CHST6: variants seen among roughly 807,000 people sequenced by gnomAD.
CHST6 encodes carbohydrate sulfotransferase 6.
For missense variants in CHST6, 698 were observed against 586.2 expected, an observed-to-expected ratio of 1.19 and a Z score of -1.97; for synonymous variants, 309 against 276.4, an observed-to-expected ratio of 1.12 and a Z score of -1.17.
At chr16:75,491,183 AAAAAAAAATAT>A (rs2080250223) in intron 1 of CHST6, among the ~76,000 whole-genome samples, 1 of 86,194 alleles carries the variant, frequency 1.2e-5, no homozygotes, top group African/African-American at 4.5e-5. Context: ...AAAAAAAAAA[AAAAAAAAATAT>A]ATATATATAT....
At chr16:75,484,588 G>A (rs1053423320) in intron 1 of CHST6, among the ~76,000 whole-genome samples, 3 of 151,972 alleles carry the variant, frequency 2.0e-5, no homozygotes, top group Non-Finnish European at 2.9e-5. Flanking sequence ...GGTGGCTCAC[G>A]CCTGTAATCC....
chr16:75,488,424 G>A (rs12596796), intron 1 of CHST6, among the ~76,000 whole-genome samples: 12,458 of 149,916 alleles, frequency 0.083, 2,158 homozygotes, highest in East Asian at 0.69. Context: ...CAGAGATCAT[G>A]AGCCATTGCA....
At chr16:75,488,266 C>T (rs554244090) in intron 1 of CHST6, among the ~76,000 whole-genome samples, 1 of 152,014 alleles carries the variant, frequency 6.6e-6, no homozygotes, top group South Asian at 2.1e-4. Flanking sequence ...GAGTTTGAGA[C>T]CAGCCTGGCC....
intron 1 of CHST6, among the ~76,000 whole-genome samples, chr16:75,492,666 A>G (rs746171880): frequency 2.0e-5 from 3 of 152,134 alleles, no homozygotes; most frequent in Non-Finnish European, 2.9e-5. Context: ...CTGGCCAAAC[A>G]TGGTGAAACC....
At chr16:75,487,896 G>A (rs1012695790) in intron 1 of CHST6, among the ~76,000 whole-genome samples, 13 of 151,460 alleles carry the variant, frequency 8.6e-5, no homozygotes, top group Admixed American at 2.6e-4. Flanking sequence ...CTCGGGAGGC[G>A]GAGTCAGGAG....
At chr16:75,487,348 GC>G (rs1456908060) in intron 1 of CHST6, among the ~76,000 whole-genome samples, 1 of 152,164 alleles carries the variant, frequency 6.6e-6, no homozygotes, top group African/African-American at 2.4e-5. Flanking sequence ...CTCACTTCCA[GC>G]CAAGCTCTGC....
intron 1 of CHST6, among the ~76,000 whole-genome samples, chr16:75,491,190 A>AAAAAATATATATATATATAT (rs1206595857): frequency 1.0e-4 from 5 of 50,092 alleles, no homozygotes; most frequent in Non-Finnish European, 1.2e-4. Flanking sequence ...AAAAAAAAAA[A>AAAAAATATATATATATATAT]ATATATATAT....
rs376127902 is a variant in CHST6 at position 75,494,098 on chromosome 16, G to A, written c.-92+842C>T. On this transcript the variant is annotated intron_variant, in intron 1 of 2. Coordinates refer to ENST00000332272, the MANE Select transcript of CHST6 (RefSeq NM_021615.5). ...GACCTCAGGTGATCCACCTGCCTCG[G>A]CCTCCCAAAGTGCTGGGATTACAGG... 3.4e-3 allele frequency among the ~76,000 whole-genome samples: 523 copies of A among 152,288 alleles called. 1 individual carries two copies. Among genetic ancestry groups the A allele is most frequent in the African/African-American group, 0.012 (506 of 41,554 alleles).
chr16:75,479,668 G>A lies in CHST6; in HGVS notation c.161C>T (p.Ser54Phe). ...LVLSSWRSGS[S>F]FVGQLFNQHP... is the part of the protein sequence containing the mutation. ...CTGGTTGAAGAGTTGGCCCACGAAG[G>A]ACGAGCCCGAGCGCCACGAGGACAG... is the stretch of plus-strand genomic sequence containing the variant. The change falls in exon 3 of 3, where the codon TCC becomes TTC. Residue 54 changes from serine (S) to phenylalanine (F), a missense_variant. Coordinates refer to ENST00000332272, the MANE Select transcript of CHST6 (RefSeq NM_021615.5). 2.5e-6 allele frequency: 4 copies of A among 1,612,554 alleles called. No homozygotes were observed. The highest frequency in any genetic ancestry group is 3.4e-6 in the Non-Finnish European group (4 of 1,179,678).
At chr16:75,494,467 G>A (rs574096423) in intron 1 of CHST6, among the ~76,000 whole-genome samples, 17 of 152,260 alleles carry the variant, frequency 1.1e-4, no homozygotes, top group African/African-American at 3.4e-4. Context: ...TGTGAAAAAG[G>A]GAGGAGAAAG....
rs1239143538 is a variant in CHST6 at position 75,478,010 on chromosome 16, A to T, written c.*631T>A. On this transcript the variant is annotated 3_prime_UTR_variant, in exon 3 of 3. Transcript: ENST00000332272. ...GCATTCACAGCCTCCTCTATCTCTC[A>T]GCTGTGTCCCTGGTCATGACTCTGC... The T allele has an allele frequency of 1.3e-5, 2 of 158,382 alleles. No individual in the cohort carries two copies. Among genetic ancestry groups the T allele is most frequent in the African/African-American group, 2.4e-5 (1 of 41,438 alleles). The allele number at this position is 158,382 out of a possible 1,614,324, so 9.8% of individuals were successfully genotyped here. A position where few individuals can be genotyped will look rare whatever the true frequency, so the allele number is the denominator to read the frequency against.
At chr16:75,484,564 T>G (rs1277555331) in intron 1 of CHST6, among the ~76,000 whole-genome samples, 3 of 151,770 alleles carry the variant, frequency 2.0e-5, no homozygotes, top group Non-Finnish European at 4.4e-5. Flanking sequence ...TGTATAAAAT[T>G]CTAAGCCACG....
chr16:75,486,945 G>A (rs1274440495), intron 1 of CHST6, among the ~76,000 whole-genome samples: 3 of 152,186 alleles, frequency 2.0e-5, no homozygotes, highest in Non-Finnish European at 4.4e-5. Context: ...TCACCAAGCT[G>A]TACTTTCATT....
intron 1 of CHST6, among the ~76,000 whole-genome samples, chr16:75,484,065 C>T (rs1481544452): frequency 6.6e-6 from 1 of 151,768 alleles, no homozygotes; most frequent in African/African-American, 2.4e-5. Context: ...GCCGGGTGTG[C>T]GGTGACTCAC....
chr16:75,472,657 G>C lies in CHST6; in HGVS notation c.*5984C>G, dbSNP rs2080031005. On this transcript the variant is annotated 3_prime_UTR_variant, in exon 3 of 3. Transcript: ENST00000332272. ...GCAGTCTGTAGGAGTGGGTGACAAA[G>C]GCACATCAAAGACAAAGCTAGGGGA... The C allele has an allele frequency of 6.6e-6, 1 of 152,252 alleles. No individual in the cohort carries two copies. 9.4% of individuals were successfully genotyped at this position (152,252 alleles called of 1,614,324 possible). A position where few individuals can be genotyped will look rare whatever the true frequency, so the allele number is the denominator to read the frequency against.
rs1265310255 is a variant in CHST6, at chr16:75,479,466, G to T, written c.363C>A (p.Phe121Leu). 1 of 1,612,948 alleles carries T rather than the reference G, an allele frequency of 6.2e-7. No individual in the cohort carries two copies. The highest frequency in any genetic ancestry group is 8.5e-7 in the Non-Finnish European group (1 of 1,179,870). Residue 121 changes from phenylalanine to leucine, a missense_variant, in exon 3 of 3, where the codon TTC (phenylalanine) becomes TTA (leucine). Physicochemically the swap from Phe to Leu is conservative, Grantham distance 22. Coordinates refer to ENST00000332272, the MANE Select transcript of CHST6 (RefSeq NM_021615.5). ...ACAGTGCACGGCTCACGGCCCACTG[G>T]AAGAGGTCGGACAGGTTGCGGCGCC... ...LPWRRNLSDL[F>L]QWAVSRALCS... is the part of the protein sequence containing the mutation.
At chr16:75,490,694 T>G (rs1251654309) in intron 1 of CHST6, 2 of 152,104 alleles carry the variant, frequency 1.3e-5, no homozygotes, top group African/African-American at 4.8e-5. Context: ...AGAAACAATT[T>G]GGTGGTTTCT....
chr16:75,493,169 T>C (rs2080273934), intron 1 of CHST6, among the ~76,000 whole-genome samples: 1 of 152,008 alleles, frequency 6.6e-6, no homozygotes, highest in Non-Finnish European at 1.5e-5. Context: ...GACCATTTAC[T>C]GAGCGATCTT....
chr16:75,479,149 C>T lies in CHST6; in HGVS notation c.680G>A (p.Gly227Asp). 1 of 1,607,094 alleles carries T rather than the reference C, an allele frequency of 6.2e-7. No homozygotes were observed. The highest frequency in any genetic ancestry group is 8.5e-7 in the Non-Finnish European group (1 of 1,178,908). ...ALARDNGIVL[G>D]TNGTWVEADP... ...GGCCTCCACCCACGTGCCGTTGGTG[C>T]CCAGCACGATGCCGTTGTCACGCGC... The change falls in exon 3 of 3, where the codon GGC becomes GAC. Residue 227 changes from glycine to aspartate, a missense_variant. Gly to Asp is a moderately conservative substitution (Grantham distance 94). Coordinates refer to ENST00000332272, the MANE Select transcript of CHST6 (RefSeq NM_021615.5).
Sources: allele counts gnomAD v4.1 joint callset (sites outside exome capture counted in the v4.1 genomes callset), GRCh38; gene constraint gnomAD v4.1.1; transcripts MANE v1.5; gene names NCBI Gene and HGNC (gene_info 2026-07-23, HGNC 2026-07-21).